The following MARCHF1 variants were observed in gnomAD, a reference collection of about 807,000 sequenced individuals.
The protein encoded by MARCHF1 is membrane associated ring-CH-type finger 1.
In MARCHF1, 40 loss-of-function variants were observed where a neutral mutation model predicts 54.2. That is an observed-to-expected ratio of 0.74 (90% CI 0.57 to 0.96). The LOEUF is 0.96. Among genes scored for constraint, MARCHF1 ranks in the 40% least tolerant of loss-of-function variants. The pLI is 0.00. For missense variants in MARCHF1, 586 were observed against 656.5 expected, an observed-to-expected ratio of 0.89 and a Z score of 1.17; for synonymous variants, 236 against 236.3, an observed-to-expected ratio of 1.00 and a Z score of 0.01.
Position 164,263,689 on chromosome 4 carries a change from C to T in MARCHF1, c.-323+120181G>A, listed in dbSNP as rs558723883. Among the ~76,000 whole-genome samples the T allele has an allele frequency of 2.0e-3, 223 of 111,616 alleles. 2 individuals carry two copies. The highest frequency in any genetic ancestry group is 4.2e-3 in the Middle Eastern group (1 of 238). 73.2% of individuals were successfully genotyped at this position (111,616 alleles called of 152,430 possible). A position where few individuals can be genotyped will look rare whatever the true frequency, so the allele number is the denominator to read the frequency against. On this transcript the variant is annotated intron_variant, in intron 1 of 9. Coordinates refer to ENST00000514618, the MANE Select transcript of MARCHF1 (RefSeq NM_001394959.1). ...CCCCATTAAAATTGGGCAAAGGGAA[C>T]GAACAGACACTTTTCAAAAGAATAC...
chr4:164,037,773 T>C (rs1450966793), intron 2 of MARCHF1, among the ~76,000 whole-genome samples: 2 of 152,186 alleles, frequency 1.3e-5, no homozygotes, highest in East Asian at 1.9e-4. Context: ...TGATATGTCA[T>C]GTTGATAGTA....
chr4:163,890,504 G>A (rs1750638185), intron 3 of MARCHF1, among the ~76,000 whole-genome samples: 1 of 151,962 alleles, frequency 6.6e-6, no homozygotes, highest in African/African-American at 2.4e-5. Flanking sequence ...GTGTGACTTT[G>A]GGCAAATAAC....
At position 163,528,581 on chromosome 4, in the gene MARCHF1, G is replaced by C; in HGVS notation, c.*167C>G. On this transcript the variant is annotated 3_prime_UTR_variant, in exon 10 of 10. Coordinates refer to ENST00000514618, the MANE Select transcript of MARCHF1 (RefSeq NM_001394959.1). ...TTACTTCATGGGCTCCTGGGCATTT[G>C]GTCTGTTTGTTTTTCTCCTTTCCTC... 1 of 609,632 alleles carries C rather than the reference G, an allele frequency of 1.6e-6. No homozygotes were observed. 37.8% of individuals were successfully genotyped at this position (609,632 alleles called of 1,614,324 possible). A position where few individuals can be genotyped will look rare whatever the true frequency, so the allele number is the denominator to read the frequency against.
chr4:163,945,617 C>T (rs1255102721), intron 3 of MARCHF1, among the ~76,000 whole-genome samples: 3 of 152,136 alleles, frequency 2.0e-5, no homozygotes, highest in Non-Finnish European at 4.4e-5. Context: ...CATAAACTAG[C>T]TTATTATTAG....
chr4:163,645,857 A>T (rs1271807879), intron 5 of MARCHF1, among the ~76,000 whole-genome samples: 1 of 152,184 alleles, frequency 6.6e-6, no homozygotes, highest in Non-Finnish European at 1.5e-5. Context: ...ACAATCAATC[A>T]TATTAATATA....
intron 2 of MARCHF1, among the ~76,000 whole-genome samples, chr4:164,013,250 A>C (rs1396264168): frequency 6.6e-6 from 1 of 152,234 alleles, no homozygotes; most frequent in Non-Finnish European, 1.5e-5. Context: ...AATACAATTG[A>C]GAAACATAAA....
At chr4:163,588,169 T>C (rs1049046905) in intron 7 of MARCHF1, among the ~76,000 whole-genome samples, 3 of 152,184 alleles carry the variant, frequency 2.0e-5, no homozygotes, top group Non-Finnish European at 2.9e-5. Flanking sequence ...AGGTCCGTAT[T>C]AATGTCCCCT....
intron 1 of MARCHF1, among the ~76,000 whole-genome samples, chr4:164,279,603 T>C (rs190498694): frequency 4.9e-4 from 75 of 151,816 alleles, no homozygotes; most frequent in African/African-American, 1.7e-3. Context: ...GATTTGATCA[T>C]TGGACATTGT....
intron 4 of MARCHF1, among the ~76,000 whole-genome samples, chr4:163,718,006 C>T (rs1745320381): frequency 1.3e-5 from 2 of 152,154 alleles, no homozygotes; most frequent in Non-Finnish European, 1.5e-5. Flanking sequence ...CACATAGCTA[C>T]AACTATCTAA....
chr4:163,897,132 T>C lies in MARCHF1; in HGVS notation c.-38-42963A>G, dbSNP rs1219205982. Among the ~76,000 whole-genome samples, 6 of 152,334 alleles carry C rather than the reference T, an allele frequency of 3.9e-5. No individual in the cohort carries two copies. In the South Asian group the frequency reaches 6.2e-4, roughly 16 times the overall value. On this transcript the variant is annotated intron_variant, in intron 3 of 9. Coordinates refer to ENST00000514618, the MANE Select transcript of MARCHF1 (RefSeq NM_001394959.1). ...GGCCAATTTTTATGGAGTAACACTA[T>C]AGACCTTGTCATTACCACCAACTGC...
At chr4:163,561,316 A>G (rs989987910) in intron 8 of MARCHF1, among the ~76,000 whole-genome samples, 2 of 152,158 alleles carry the variant, frequency 1.3e-5, no homozygotes, top group African/African-American at 4.8e-5. Flanking sequence ...TTCTAAAAGT[A>G]TAATTGTTTT....
chr4:164,192,660 A>C (rs1731152443), intron 1 of MARCHF1, among the ~76,000 whole-genome samples: 1 of 152,212 alleles, frequency 6.6e-6, no homozygotes, highest in African/African-American at 2.4e-5. Flanking sequence ...ACCTGGGGCT[A>C]TTTCTGTAGT....
chr4:163,736,549 T>TGGGGG (rs10539755), intron 4 of MARCHF1, among the ~76,000 whole-genome samples: 2 of 132,408 alleles, frequency 1.5e-5, no homozygotes, highest in Non-Finnish European at 1.6e-5. Flanking sequence ...AAGGGTTGGG[T>TGGGGG]GGGGGGGGGG....
At chr4:164,159,380 C>T (rs1431641468) in intron 1 of MARCHF1, among the ~76,000 whole-genome samples, 1 of 151,946 alleles carries the variant, frequency 6.6e-6, no homozygotes, top group African/African-American at 2.4e-5. Flanking sequence ...CACAAAACGT[C>T]CATGTTAAAA....
chr4:164,376,142 T>C (rs753795995), intron 1 of MARCHF1, among the ~76,000 whole-genome samples: 7 of 152,178 alleles, frequency 4.6e-5, no homozygotes, highest in Admixed American at 2.0e-4. Context: ...GTGTTGAGCA[T>C]AGAGTAGACT....
intron 4 of MARCHF1, among the ~76,000 whole-genome samples, chr4:163,721,456 T>G (rs1365677024): frequency 6.6e-6 from 1 of 152,184 alleles, no homozygotes; most frequent in Non-Finnish European, 1.5e-5. Context: ...GATTTTTGCA[T>G]CGATGTTCAT....
At chr4:163,578,526 T>G (rs1740113142) in intron 8 of MARCHF1, among the ~76,000 whole-genome samples, 1 of 152,180 alleles carries the variant, frequency 6.6e-6, no homozygotes, top group Non-Finnish European at 1.5e-5. Flanking sequence ...TCCCCAGTAG[T>G]GTCCTGGATA....
intron 1 of MARCHF1, among the ~76,000 whole-genome samples, chr4:164,218,918 A>G (rs1176725239): frequency 2.0e-5 from 3 of 152,096 alleles, no homozygotes; most frequent in Non-Finnish European, 2.9e-5. Context: ...AAAATTGGGC[A>G]TGAACCATTT....
intron 7 of MARCHF1, among the ~76,000 whole-genome samples, chr4:163,592,989 T>C (rs1160319277): frequency 6.6e-6 from 1 of 152,140 alleles, no homozygotes; most frequent in Admixed American, 6.6e-5. Flanking sequence ...AATCAAAAGC[T>C]GGATTGCATC....
Sources: gnomAD v4.1 joint callset for allele counts (sites outside exome capture counted in the v4.1 genomes callset) on GRCh38, gnomAD v4.1.1 for gene constraint, MANE v1.5 for transcripts, NCBI Gene and HGNC (gene_info 2026-07-23, HGNC 2026-07-21) for gene names.